SPATA6L: variants seen among roughly 807,000 people sequenced by gnomAD.
SPATA6L encodes the protein spermatogenesis associated 6 like.
Under a neutral mutation model 49.2 loss-of-function variants are expected in SPATA6L, and 68 were observed. The observed-to-expected ratio is 1.38, with a 90% confidence interval of 1.14 to 1.69. The LOEUF is 1.69. SPATA6L is among the 40% of genes most tolerant of loss of function. The pLI, the probability that SPATA6L is intolerant of heterozygous loss-of-function variation, is 0.00. For missense variants in SPATA6L, 668 were observed against 464.3 expected, an observed-to-expected ratio of 1.44 and a Z score of -4.03; for synonymous variants, 198 against 165.7, an observed-to-expected ratio of 1.19 and a Z score of -1.50.
chr9:4,589,705 T>A (rs1464783709), intron 13 of SPATA6L, among the ~76,000 whole-genome samples: 2 of 152,100 alleles, frequency 1.3e-5, no homozygotes, highest in Non-Finnish European at 2.9e-5. Context: ...ATCCTGAAAA[T>A]GAGAGTACAG....
chr9:4,663,623 A>C (rs188931232), intron 1 of SPATA6L: 124 of 222,356 alleles, frequency 5.6e-4, no homozygotes, highest in African/African-American at 2.8e-3. Context: ...TCAACATACC[A>C]CTTGTAAACT....
intron 9 of SPATA6L, among the ~76,000 whole-genome samples, chr9:4,616,308 A>T (rs1356323903): frequency 6.6e-6 from 1 of 152,172 alleles, no homozygotes; most frequent in Non-Finnish European, 1.5e-5. Context: ...ATTTAAAAAA[A>T]TAGGTGGAGT....
chr9:4,626,256 C>A (rs1830326318), intron 5 of SPATA6L: 2 of 536,620 alleles, frequency 3.7e-6, no homozygotes, highest in Non-Finnish European at 5.3e-6. Flanking sequence ...CCCTATTATG[C>A]CAGGACTAGC....
chr9:4,634,986 TAAAC>T (rs1171940163), intron 4 of SPATA6L, among the ~76,000 whole-genome samples: 1 of 152,180 alleles, frequency 6.6e-6, no homozygotes, highest in African/African-American at 2.4e-5. Flanking sequence ...TAGCTATAAC[TAAAC>T]AAACAAATCT....
intron 3 of SPATA6L, among the ~76,000 whole-genome samples, chr9:4,650,648 A>G (rs1836601216): frequency 6.6e-6 from 1 of 152,170 alleles, no homozygotes; most frequent in African/African-American, 2.4e-5. Flanking sequence ...CACTGATTTT[A>G]CAGAAATAAT....
Position 4,666,265 on chromosome 9 carries a change from G to C in SPATA6L, c.-15C>G. 6.2e-7 allele frequency: 1 copy of C among 1,614,132 alleles called. No homozygotes were observed. ...TCCAGAGGCATCGTTCCCTGCGTGG[G>C]CGAAAGGACTGGAATGAGAAGATCC... On this transcript the variant is annotated 5_prime_UTR_variant, in exon 1 of 12. Transcript: ENST00000682582.
chr9:4,639,469 G>A (rs1362814754), intron 3 of SPATA6L, among the ~76,000 whole-genome samples: 1 of 152,162 alleles, frequency 6.6e-6, no homozygotes, highest in Admixed American at 6.5e-5. Context: ...ACTGAAACAG[G>A]GTTAGACAAA....
intron 5 of SPATA6L, chr9:4,627,552 G>C (rs58053313): frequency 5.5e-6 from 2 of 364,376 alleles, no homozygotes; most frequent in East Asian, 7.7e-5. Context: ...CTGTCCCAAA[G>C]TATTTGGAGA....
intron 9 of SPATA6L, among the ~76,000 whole-genome samples, chr9:4,607,158 C>A (rs1234868594): frequency 6.6e-6 from 1 of 152,058 alleles, no homozygotes; most frequent in African/African-American, 2.4e-5. Flanking sequence ...AAGACCAAAT[C>A]TACGTCTGAT....
intron 7 of SPATA6L, among the ~76,000 whole-genome samples, chr9:4,620,439 T>A (rs140217927): frequency 4.6e-5 from 7 of 152,310 alleles, no homozygotes; most frequent in African/African-American, 1.7e-4. Context: ...GGAAGCTTGT[T>A]AGAAAAGGAG....
chr9:4,652,980 A>G (rs1412858417), intron 3 of SPATA6L, among the ~76,000 whole-genome samples: 2 of 152,194 alleles, frequency 1.3e-5, no homozygotes, highest in African/African-American at 2.4e-5. Context: ...ATCCCTGTCA[A>G]TATCCTAGCT....
intron 3 of SPATA6L, among the ~76,000 whole-genome samples, chr9:4,635,947 G>C (rs1183633133): frequency 6.6e-6 from 1 of 152,180 alleles, no homozygotes; most frequent in Non-Finnish European, 1.5e-5. Context: ...CAGTGCTCAA[G>C]ACACTCATGC....
At chr9:4,605,818 C>T (rs747692235) in intron 9 of SPATA6L, among the ~76,000 whole-genome samples, 3 of 152,098 alleles carry the variant, frequency 2.0e-5, no homozygotes, top group East Asian at 3.9e-4. Context: ...CCAAGATGGC[C>T]GAATAGGAAC....
chr9:4,609,670 C>A (rs527521486), intron 9 of SPATA6L, among the ~76,000 whole-genome samples: 1 of 151,360 alleles, frequency 6.6e-6, no homozygotes, highest in Non-Finnish European at 1.5e-5. Flanking sequence ...CTATCTGTGA[C>A]AAACCCAAAG....
rs530587406 is a variant in SPATA6L at position 4,636,833 on chromosome 9, G to C, written c.227-1434C>G. On this transcript the variant is annotated intron_variant, in intron 3 of 11. Transcript: ENST00000682582. ...TCATAAATAGCATTTCTTCCCACTCGTGTGCTCCCAGCCACGCTCCAGCCA... is the reference window on the plus strand; with the variant it reads ...TCATAAATAGCATTTCTTCCCACTCCTGTGCTCCCAGCCACGCTCCAGCCA... Among the ~76,000 whole-genome samples the C allele has an allele frequency of 9.2e-5, 14 of 152,108 alleles. No homozygotes were observed. In the South Asian group the frequency reaches 2.9e-3, roughly 32 times the overall value.
chr9:4,640,723 T>C (rs1462291815), intron 3 of SPATA6L, among the ~76,000 whole-genome samples: 2 of 152,172 alleles, frequency 1.3e-5, no homozygotes, highest in South Asian at 2.1e-4. Flanking sequence ...TTGAACAAAT[T>C]AATGGATCAA....
rs142026267 is a variant in SPATA6L, at chr9:4,662,748, T to C, written c.40-712A>G. ...GCTGGGGGTGTGCGCGGGAGAGAGCTCGTCGTGGGGCAGCGTGCGACCCCT... is the reference window on the plus strand; with the variant it reads ...GCTGGGGGTGTGCGCGGGAGAGAGCCCGTCGTGGGGCAGCGTGCGACCCCT... On this transcript the variant is annotated intron_variant, in intron 1 of 11. Coordinates refer to ENST00000682582, the MANE Select transcript of SPATA6L (RefSeq NM_001353486.2). This position sits in a 1 kb window ranked among gnomAD's most constrained non-coding sequence, Gnocchi z 4.9. The C allele has an allele frequency of 1.6e-5, 25 of 1,603,482 alleles. No homozygotes were observed. Among genetic ancestry groups the C allele is most frequent in the Non-Finnish European group, 1.7e-6 (2 of 1,179,906 alleles).
intron 2 of SPATA6L, among the ~76,000 whole-genome samples, chr9:4,660,745 A>T (rs953119054): frequency 1.3e-5 from 2 of 152,236 alleles, no homozygotes; most frequent in Non-Finnish European, 2.9e-5. Context: ...TGTTTATTGC[A>T]GCACTATTCA....
At chr9:4,623,848 T>C (rs1006273229) in intron 6 of SPATA6L, among the ~76,000 whole-genome samples, 1 of 152,228 alleles carries the variant, frequency 6.6e-6, no homozygotes, top group South Asian at 2.1e-4. Flanking sequence ...TGAAATGAAA[T>C]AAATGAAGTC....
Sources: allele counts gnomAD v4.1 joint callset (sites outside exome capture counted in the v4.1 genomes callset), GRCh38; gene constraint gnomAD v4.1.1; non-coding constraint Gnocchi (gnomAD v3.1); transcripts MANE v1.5; gene names NCBI Gene and HGNC (gene_info 2026-07-23, HGNC 2026-07-21).